Variants in HNRNPD observed in about 807,000 individuals in gnomAD.
HNRNPD encodes the protein heterogeneous nuclear ribonucleoprotein D0.
In HNRNPD, 3 loss-of-function variants were observed where a neutral mutation model predicts 47.9. That is an observed-to-expected ratio of 0.06 (90% CI 0.03 to 0.16). The LOEUF (loss-of-function observed/expected upper bound fraction) is 0.16. Ranked by LOEUF, HNRNPD falls within the 10% of genes least tolerant of loss-of-function variation. The probability of loss-of-function intolerance (pLI) is 1.00; values close to 1 mark genes in which losing one functional copy is unlikely to be tolerated. For missense variants in HNRNPD, 287 were observed against 454.2 expected (o/e 0.63, Z 3.35); for synonymous variants, 171 against 165.1 (o/e 1.04, Z -0.28).
chr4:82,372,798 C>T (rs569391225), intron 1 of HNRNPD, among the ~76,000 whole-genome samples: 1 of 152,276 alleles, frequency 6.6e-6, no homozygotes, highest in Admixed American at 6.5e-5. Context: ...ATTTGGTCTG[C>T]ATGTCAAAAT....
At chr4:82,366,536 G>A (rs1719764910) in intron 2 of HNRNPD, among the ~76,000 whole-genome samples, 1 of 151,952 alleles carries the variant, frequency 6.6e-6, no homozygotes, top group South Asian at 2.1e-4. Context: ...AAGCCACCGC[G>A]CCCGGCCAAC....
chr4:82,373,506 C>A lies in HNRNPD; in HGVS notation c.173G>T (p.Gly58Val). Reference sequence around the variant, plus strand: ...CGCCCCCTCCGACTCGGCGCTGCCCCCTTCGGTGCCTCCAGACGCGGTTCC... The same window carrying A: ...CGCCCCCTCCGACTCGGCGCTGCCCACTTCGGTGCCTCCAGACGCGGTTCC... ...GGGTASGGTE[G>V]GSAESEGAKI... Residue 58 changes from glycine to valine, a missense_variant, in exon 1 of 9, where the codon GGG becomes GTG. Transcript: ENST00000313899. 3.2e-6 allele frequency: 5 copies of A among 1,548,868 alleles called. No homozygotes were observed. Among genetic ancestry groups the A allele is most frequent in the South Asian group, 2.4e-5 (2 of 83,890 alleles).
At chr4:82,365,816 T>C (rs1719725300) in intron 2 of HNRNPD, among the ~76,000 whole-genome samples, 1 of 140,004 alleles carries the variant, frequency 7.1e-6, no homozygotes, top group Non-Finnish European at 1.5e-5. Context: ...GATCTCATCA[T>C]GTTGCCCAGG....
Position 82,373,890 on chromosome 4 carries a change from G to A in HNRNPD, c.-212C>T, listed in dbSNP as rs909175219. On this transcript the variant is annotated 5_prime_UTR_variant, in exon 1 of 9. Coordinates refer to ENST00000313899, the MANE Select transcript of HNRNPD (RefSeq NM_031370.3). ...CCACTCTCGCGCGGCGCACACTCCCGCTCTCTCCCGCTGCACTAAAAAAGA... is the reference window on the plus strand; with the variant it reads ...CCACTCTCGCGCGGCGCACACTCCCACTCTCTCCCGCTGCACTAAAAAAGA... The A allele has an allele frequency of 1.8e-6, 2 of 1,119,194 alleles. No homozygotes were observed. Among genetic ancestry groups the A allele is most frequent in the South Asian group, 3.4e-5 (2 of 59,378 alleles). The allele number at this position is 1,119,194 out of a possible 1,614,324, so 69.3% of individuals were successfully genotyped here.
At chr4:82,368,470 T>C (rs1232250479) in intron 2 of HNRNPD, among the ~76,000 whole-genome samples, 2 of 152,200 alleles carry the variant, frequency 1.3e-5, no homozygotes, top group Non-Finnish European at 2.9e-5. Context: ...AAAACTTCAA[T>C]GACATTCTCC....
chr4:82,367,465 A>C (rs760337368), intron 2 of HNRNPD, among the ~76,000 whole-genome samples: 1 of 152,204 alleles, frequency 6.6e-6, no homozygotes, highest in Non-Finnish European at 1.5e-5. Flanking sequence ...AAATCATGTT[A>C]CTTTTCAAAA....
Position 82,352,914 on chromosome 4 carries a change from T to C in HNRNPD, c.*1271A>G, listed in dbSNP as rs1357630014. 3 of 152,170 alleles carry C rather than the reference T, an allele frequency of 2.0e-5. No individual in the cohort carries two copies. The highest frequency in any genetic ancestry group is 4.4e-5 in the Non-Finnish European group (3 of 68,014). 9.4% of individuals were successfully genotyped at this position (152,170 alleles called of 1,614,324 possible). A position where few individuals can be genotyped will look rare whatever the true frequency, so the allele number is the denominator to read the frequency against. On this transcript the variant is annotated 3_prime_UTR_variant, in exon 9 of 9. Coordinates refer to ENST00000313899, the MANE Select transcript of HNRNPD (RefSeq NM_031370.3). The stretch of plus-strand genomic sequence containing the variant: ...GAAAGGTATTCCATCACTTCACTAC[T>C]ATAGAACTGTATAATAATACATTTC...
At chr4:82,372,605 G>A (rs1720108871) in intron 1 of HNRNPD, among the ~76,000 whole-genome samples, 1 of 152,162 alleles carries the variant, frequency 6.6e-6, no homozygotes, top group African/African-American at 2.4e-5. Flanking sequence ...GAACCCAATA[G>A]CTGAGGGCGC....
chr4:82,370,509 C>G (rs1195042238), intron 2 of HNRNPD, among the ~76,000 whole-genome samples: 8 of 148,142 alleles, frequency 5.4e-5, no homozygotes, highest in African/African-American at 2.0e-4. Context: ...TAACATTCAT[C>G]GAAACTGTGA....
chr4:82,373,424 T>A, intron 1 of HNRNPD, 22 bp downstream of exon 1: 1 of 1,567,890 alleles, frequency 6.4e-7, no homozygotes, highest in African/African-American at 1.3e-5. Context: ...GGCCTGACTA[T>A]CCTGGGATGC....
At chr4:82,359,739 G>A in intron 2 of HNRNPD, 100 bp from the exon 3 acceptor site, 2 of 651,912 alleles carry the variant, frequency 3.1e-6, no homozygotes, top group Non-Finnish European at 5.0e-6. Context: ...CAGTTTACTG[G>A]GCAGTATATT....
At chr4:82,360,471 AAAAT>A (rs890300473) in intron 2 of HNRNPD, among the ~76,000 whole-genome samples, 34 of 152,224 alleles carry the variant, frequency 2.2e-4, no homozygotes, top group Non-Finnish European at 3.5e-4. Context: ...CCTTTGTACA[AAAAT>A]AAATAAATAA....
At chr4:82,360,748 G>A (rs1719366963) in intron 2 of HNRNPD, among the ~76,000 whole-genome samples, 1 of 152,070 alleles carries the variant, frequency 6.6e-6, no homozygotes, top group African/African-American at 2.4e-5. Flanking sequence ...CCATCTTGTG[G>A]GCTTTTAAGA....
rs977579955 is a variant in HNRNPD at position 82,373,277 on chromosome 4, G to C, written c.233+169C>G. 1.3e-5 allele frequency: 12 copies of C among 899,970 alleles called. No homozygotes were observed. The African/African-American group carries it at 1.5e-4, about 11-fold the overall frequency. The allele number at this position is 899,970 out of a possible 1,614,324, so 55.7% of individuals were successfully genotyped here. A position where few individuals can be genotyped will look rare whatever the true frequency, so the allele number is the denominator to read the frequency against. On this transcript the variant is annotated intron_variant, in intron 1 of 8. Coordinates refer to ENST00000313899, the MANE Select transcript of HNRNPD (RefSeq NM_031370.3). The stretch of plus-strand genomic sequence containing the variant: ...GGCGATAAGCAGGCAAAGGAAGAAG[G>C]AAATGAAGGTCCGGGGAACCCAACA...
chr4:82,370,461 T>A (rs943386784), intron 2 of HNRNPD, among the ~76,000 whole-genome samples: 1 of 152,210 alleles, frequency 6.6e-6, no homozygotes, highest in African/African-American at 2.4e-5. Context: ...GCAGTGAAAT[T>A]GAGCTGCTAG....
At chr4:82,361,268 G>C (rs2258407) in intron 2 of HNRNPD, among the ~76,000 whole-genome samples, 57,892 of 151,836 alleles carry the variant, frequency 0.38, 13,261 homozygotes, top group South Asian at 0.66. Flanking sequence ...TAACTTACAG[G>C]TCCAGAATAC....
chr4:82,352,605 A>C lies in HNRNPD; in HGVS notation c.*1580T>G, dbSNP rs1723542823. ...ACACAAAAAATTTTCATTTATTTTG[A>C]CCATGAGTCAGCAAACTTTTCTGTA... is the stretch of plus-strand genomic sequence containing the variant. On this transcript the variant is annotated 3_prime_UTR_variant, in exon 9 of 9. Transcript: ENST00000313899. 1 of 152,248 alleles carries C rather than the reference A, an allele frequency of 6.6e-6. No individual in the cohort carries two copies. Among genetic ancestry groups the C allele is most frequent in the Non-Finnish European group, 1.5e-5 (1 of 68,038 alleles). 9.4% of individuals were successfully genotyped at this position (152,248 alleles called of 1,614,324 possible).
At chr4:82,355,589 T>G (rs1723680910) in intron 7 of HNRNPD, 188 bp from the exon 8 acceptor site, 1 of 581,196 alleles carries the variant, frequency 1.7e-6, no homozygotes, top group African/African-American at 1.9e-5. Flanking sequence ...ATGGCAGGCA[T>G]TCAGAATGAG....
At position 82,358,578 on chromosome 4, in the gene HNRNPD, C is replaced by T. The variant is rs35798371; in HGVS notation, c.621+81G>A. On this transcript the variant is annotated intron_variant, in intron 4 of 8. Transcript: ENST00000313899. ...ATCTACCCTAACAGCTTTGAAAAGC[C>T]AAGTGACTCTGAGTCCATAATGGGA... 115,391 of 1,292,492 alleles carry T rather than the reference C, an allele frequency of 0.089. 5,827 individuals carry two copies. Among genetic ancestry groups the T allele is most frequent in the Non-Finnish European group, 0.11 (97,324 of 926,466 alleles). 80.1% of individuals were successfully genotyped at this position (1,292,492 alleles called of 1,614,324 possible).
Sources: gnomAD v4.1 joint callset for allele counts (sites outside exome capture counted in the v4.1 genomes callset) on GRCh38, gnomAD v4.1.1 for gene constraint, MANE v1.5 for transcripts, NCBI Gene and HGNC (gene_info 2026-07-23, HGNC 2026-07-21) for gene names.